Variants in SND1 observed in about 807,000 individuals in gnomAD.
SND1 encodes the protein staphylococcal nuclease domain-containing protein 1.
A neutral mutation model predicts 121.7 loss-of-function variants in SND1; 38 were observed. The ratio of observed to expected loss-of-function variants is 0.31; its 90% CI spans 0.24 to 0.41. The LOEUF (loss-of-function observed/expected upper bound fraction) is 0.41, where lower values mean the gene tolerates loss of function less well. Ranked by LOEUF, SND1 falls within the 10% of genes least tolerant of loss-of-function variation. The probability of loss-of-function intolerance (pLI) is 1.00; values close to 1 mark genes in which losing one functional copy is unlikely to be tolerated. For synonymous variants in SND1, 401 were observed against 447.4 expected, an observed-to-expected ratio of 0.90 and a Z score of 1.31; for missense variants, 868 against 1,184.6, an observed-to-expected ratio of 0.73 and a Z score of 3.92.
intron 16 of SND1, among the ~76,000 whole-genome samples, chr7:128,004,688 A>G (rs1489028768): frequency 2.0e-5 from 3 of 152,244 alleles, no homozygotes; most frequent in Non-Finnish European, 4.4e-5. Flanking sequence ...TGAGCTAAAG[A>G]TGAAAACAGA....
chr7:127,723,149 G>T (rs1413736995), intron 10 of SND1, among the ~76,000 whole-genome samples: 2 of 152,170 alleles, frequency 1.3e-5, no homozygotes, highest in African/African-American at 2.4e-5. Context: ...GGGGATGGGG[G>T]TGTTATAGCT....
At chr7:127,970,328 G>A (rs1801954874) in intron 15 of SND1, among the ~76,000 whole-genome samples, 1 of 152,122 alleles carries the variant, frequency 6.6e-6, no homozygotes, top group Non-Finnish European at 1.5e-5. Context: ...GCATTTTATT[G>A]CCAAGTTGCC....
At chr7:127,868,026 G>C (rs1334358937) in intron 12 of SND1, among the ~76,000 whole-genome samples, 2 of 152,076 alleles carry the variant, frequency 1.3e-5, no homozygotes, top group Admixed American at 1.3e-4. Context: ...TTTGCTGTAG[G>C]TACTCCGTCT....
At chr7:128,051,577 A>G (rs1793046603) in intron 16 of SND1, among the ~76,000 whole-genome samples, 1 of 152,238 alleles carries the variant, frequency 6.6e-6, no homozygotes, top group Non-Finnish European at 1.5e-5. Flanking sequence ...CACTGCCTAA[A>G]CAGCATCTGA....
intron 10 of SND1, among the ~76,000 whole-genome samples, chr7:127,732,220 A>G (rs893788545): frequency 6.6e-6 from 1 of 152,236 alleles, no homozygotes; most frequent in African/African-American, 2.4e-5. Flanking sequence ...TGGTAAGAGT[A>G]TAGGTATGTG....
Position 128,029,219 on chromosome 7 carries a change from C to G in SND1, c.1779+38163C>G. ...AACCAGTGGACGTGGTAGGAACAGG[C>G]TTGTACTTTCGCGTTGTGTCCTCAG... On this transcript the variant is annotated intron_variant, in intron 16 of 23. Coordinates refer to ENST00000354725, the MANE Select transcript of SND1 (RefSeq NM_014390.4). This position sits in a 1 kb window ranked among gnomAD's most constrained non-coding sequence, Gnocchi z 4.2. 1 of 1,614,098 alleles carries G rather than the reference C, an allele frequency of 6.2e-7. No homozygotes were observed.
chr7:127,703,590 T>C (rs1159877808), intron 7 of SND1, among the ~76,000 whole-genome samples: 1 of 152,118 alleles, frequency 6.6e-6, no homozygotes, highest in Non-Finnish European at 1.5e-5. Context: ...CGTGCACCTA[T>C]AGTCCCAGCT....
At chr7:128,060,236 C>G (rs531089813) in intron 16 of SND1, among the ~76,000 whole-genome samples, 20 of 152,102 alleles carry the variant, frequency 1.3e-4, no homozygotes, top group Non-Finnish European at 2.8e-4. Flanking sequence ...GGAACTGCAG[C>G]TTGTCTGGCC....
chr7:127,880,537 G>A (rs1311436725), intron 12 of SND1, among the ~76,000 whole-genome samples: 1 of 151,968 alleles, frequency 6.6e-6, no homozygotes, highest in African/African-American at 2.4e-5. Context: ...CTGAATATGT[G>A]CCCACATGTG....
chr7:127,881,897 C>T (rs1456577089), intron 12 of SND1, among the ~76,000 whole-genome samples: 1 of 152,120 alleles, frequency 6.6e-6, no homozygotes, highest in Non-Finnish European at 1.5e-5. Flanking sequence ...CCTCGCCCTC[C>T]CAAAGTGTTA....
intron 16 of SND1, chr7:128,028,758 T>C: frequency 6.2e-7 from 1 of 1,614,038 alleles, no homozygotes; most frequent in Non-Finnish European, 8.5e-7. Flanking sequence ...GACTGTGGGG[T>C]GCAGAGAGTT....
chr7:127,917,600 A>G (rs1800611252), intron 14 of SND1, among the ~76,000 whole-genome samples: 1 of 152,138 alleles, frequency 6.6e-6, no homozygotes, highest in Non-Finnish European at 1.5e-5. Context: ...GAGAATCTCT[A>G]TCCTATACTG....
intron 11 of SND1, among the ~76,000 whole-genome samples, chr7:127,823,746 C>CT (rs11341770): frequency 1.2e-4 from 18 of 150,608 alleles, no homozygotes; most frequent in South Asian, 2.1e-4. Context: ...ACAAACTGTT[C>CT]TTTTTTTTTT....
chr7:127,893,052 G>A (rs1800041119), intron 13 of SND1, among the ~76,000 whole-genome samples: 1 of 152,114 alleles, frequency 6.6e-6, no homozygotes, highest in Admixed American at 6.6e-5. Flanking sequence ...TTTAGGCAGA[G>A]CTTTTAACTT....
At chr7:128,018,586 C>T (rs1214684434) in intron 16 of SND1, among the ~76,000 whole-genome samples, 1 of 152,176 alleles carries the variant, frequency 6.6e-6, no homozygotes, top group African/African-American at 2.4e-5. Flanking sequence ...AGCCACTGTA[C>T]CATAAAGGGT....
chr7:128,045,238 A>G (rs1240083811), intron 16 of SND1, among the ~76,000 whole-genome samples: 1 of 152,174 alleles, frequency 6.6e-6, no homozygotes, highest in East Asian at 1.9e-4. Context: ...TTTCCAGAAC[A>G]GTTTTCCATG....
chr7:127,879,076 G>A (rs1297385860), intron 12 of SND1, among the ~76,000 whole-genome samples: 1 of 152,134 alleles, frequency 6.6e-6, no homozygotes, highest in Admixed American at 6.5e-5. Flanking sequence ...CTAGCTTTTG[G>A]AAGTTCCCTG....
At position 127,811,020 on chromosome 7, in the gene SND1, A is replaced by G. The variant is rs556514249; in HGVS notation, c.1242+3447A>G. On this transcript the variant is annotated intron_variant, in intron 11 of 23. Transcript: ENST00000354725. ...GTAGATGCTCATTGTAAACTGTTCT[A>G]TCATCAGAGACTGTCCTGAAAATAT... is the stretch of plus-strand genomic sequence containing the variant. Among the ~76,000 whole-genome samples the G allele has an allele frequency of 1.4e-4, 21 of 149,624 alleles. No homozygotes were observed. The East Asian group carries it at 3.7e-3, about 27-fold the overall frequency.
At chr7:127,883,228 AG>A (rs1799828694) in intron 12 of SND1, among the ~76,000 whole-genome samples, 1 of 152,164 alleles carries the variant, frequency 6.6e-6, no homozygotes, top group African/African-American at 2.4e-5. Flanking sequence ...ATAAGATAGT[AG>A]TGAAACCGTG....
Sources: allele counts gnomAD v4.1 joint callset (sites outside exome capture counted in the v4.1 genomes callset), GRCh38; gene constraint gnomAD v4.1.1; non-coding constraint Gnocchi (gnomAD v3.1); transcripts MANE v1.5; gene names NCBI Gene and HGNC (gene_info 2026-07-23, HGNC 2026-07-21).